The following KCNIP4 variants were observed in gnomAD, a reference collection of about 807,000 sequenced individuals.
KCNIP4 encodes the protein potassium voltage-gated channel interacting protein 4.
A neutral mutation model predicts 34.0 loss-of-function variants in KCNIP4; 12 were observed. The observed-to-expected ratio is 0.35, with a 90% CI of 0.23 to 0.57. The LOEUF (loss-of-function observed/expected upper bound fraction) is 0.57, where lower values mean the gene tolerates loss of function less well. Among genes scored for constraint, KCNIP4 ranks in the 20% least tolerant of loss-of-function variants. The pLI is 0.83. For missense variants in KCNIP4, 238 were observed against 311.7 expected (o/e 0.76, Z 1.78); for synonymous variants, 124 against 102.2 (o/e 1.21, Z -1.29).
intron 4 of KCNIP4, among the ~76,000 whole-genome samples, chr4:20,755,201 T>C (rs1754287324): frequency 1.3e-5 from 2 of 152,202 alleles, no homozygotes; most frequent in Admixed American, 1.3e-4. Context: ...ACAGTCTTCC[T>C]GTGTTTTCTT....
In KCNIP4 at chr4:21,553,149, G is replaced by A. The variant is rs561988731; in HGVS notation, c.61+395422C>T. Among the ~76,000 whole-genome samples, 11 of 151,392 alleles carry A rather than the reference G, an allele frequency of 7.3e-5. 1 individual carries two copies. Among genetic ancestry groups the A allele is most frequent in the African/African-American group, 2.7e-4 (11 of 41,260 alleles). ...AACATCTGAAAGCTTAAAGGGGGGG[G>A]TCATAAAAGAGTTGGAATAACAAGT... On this transcript the variant is annotated intron_variant, in intron 1 of 8. Transcript: ENST00000382152.
At chr4:21,186,745 A>G (rs531584943) in intron 1 of KCNIP4, among the ~76,000 whole-genome samples, 1 of 152,258 alleles carries the variant, frequency 6.6e-6, no homozygotes, top group South Asian at 2.1e-4. Context: ...GCCACGCTCA[A>G]GCAATCCTCT....
intron 5 of KCNIP4, among the ~76,000 whole-genome samples, chr4:20,748,561 TA>T (rs2149332996): frequency 8.8e-4 from 1 of 1,130 alleles, no homozygotes; most frequent in East Asian, 0.038. Flanking sequence ...TTCCAAATTT[TA>T]TATATATATA....
At chr4:21,171,464 T>C (rs1754018235) in intron 1 of KCNIP4, among the ~76,000 whole-genome samples, 1 of 152,188 alleles carries the variant, frequency 6.6e-6, no homozygotes, top group African/African-American at 2.4e-5. Context: ...CTGGACAGTT[T>C]CCAAGTTATT....
intron 1 of KCNIP4, among the ~76,000 whole-genome samples, chr4:21,233,077 G>A (rs1432706334): frequency 6.6e-6 from 1 of 152,170 alleles, no homozygotes; most frequent in Non-Finnish European, 1.5e-5. Flanking sequence ...CAGGAAGCAG[G>A]AAAACGGGTC....
At chr4:21,098,381 C>T (rs553625165) in intron 1 of KCNIP4, among the ~76,000 whole-genome samples, 23 of 152,294 alleles carry the variant, frequency 1.5e-4, no homozygotes, top group African/African-American at 5.3e-4. Context: ...GTGGAGAAGT[C>T]AATGTCTGGC....
chr4:21,782,860 T>C (rs1311152728), intron 1 of KCNIP4, among the ~76,000 whole-genome samples: 1 of 152,118 alleles, frequency 6.6e-6, no homozygotes, highest in Admixed American at 6.6e-5. Context: ...AATACTGCTA[T>C]AAACAGCAAC....
At chr4:21,708,007 A>T (rs935166841) in intron 1 of KCNIP4, among the ~76,000 whole-genome samples, 2 of 151,908 alleles carry the variant, frequency 1.3e-5, no homozygotes, top group South Asian at 2.1e-4. Context: ...AAATCAACTT[A>T]TGAGAAATTC....
chr4:21,509,746 C>T (rs1734146418), intron 1 of KCNIP4, among the ~76,000 whole-genome samples: 1 of 152,144 alleles, frequency 6.6e-6, no homozygotes, highest in Non-Finnish European at 1.5e-5. Context: ...ACTAGACTCA[C>T]CTGATCTTCT....
chr4:20,810,280 C>T (rs1560482218), intron 3 of KCNIP4, among the ~76,000 whole-genome samples: 1 of 152,128 alleles, frequency 6.6e-6, no homozygotes, highest in African/African-American at 2.4e-5. Context: ...ATTGTATCGT[C>T]CCCTCTGGCA....
At chr4:21,134,280 C>T (rs1751328794) in intron 1 of KCNIP4, among the ~76,000 whole-genome samples, 1 of 152,098 alleles carries the variant, frequency 6.6e-6, no homozygotes, top group Non-Finnish European at 1.5e-5. Context: ...TATGATGATC[C>T]ACTTCCATTT....
intron 1 of KCNIP4, among the ~76,000 whole-genome samples, chr4:21,022,025 A>G (rs1470785328): frequency 6.6e-6 from 1 of 152,164 alleles, no homozygotes; most frequent in Non-Finnish European, 1.5e-5. Flanking sequence ...TTTTACACCA[A>G]CATCACCAAA....
chr4:20,864,825 G>A (rs1722705569), intron 2 of KCNIP4, among the ~76,000 whole-genome samples: 2 of 152,000 alleles, frequency 1.3e-5, no homozygotes, highest in Admixed American at 1.3e-4. Context: ...GGCAGAACTG[G>A]GCCTAAATCT....
intron 3 of KCNIP4, among the ~76,000 whole-genome samples, chr4:20,824,775 A>G (rs1481761645): frequency 2.0e-5 from 3 of 152,262 alleles, no homozygotes; most frequent in African/African-American, 7.2e-5. Context: ...ATGTTTCAGA[A>G]TAGGTAACAT....
At chr4:20,744,857 C>G (rs1428005653) in intron 5 of KCNIP4, among the ~76,000 whole-genome samples, 1 of 152,130 alleles carries the variant, frequency 6.6e-6, no homozygotes, top group Non-Finnish European at 1.5e-5. Flanking sequence ...TAGTAGGTCC[C>G]AAATTTCCAT....
At chr4:21,433,716 C>T (rs979329280) in intron 1 of KCNIP4, among the ~76,000 whole-genome samples, 3 of 152,128 alleles carry the variant, frequency 2.0e-5, no homozygotes, top group Admixed American at 6.5e-5. Context: ...AGTCTATCTC[C>T]AATAACCGGG....
intron 1 of KCNIP4, among the ~76,000 whole-genome samples, chr4:21,338,264 C>CAA (rs869150288): frequency 0.016 from 779 of 48,334 alleles, 11 homozygotes; most frequent in Non-Finnish European, 0.02. Context: ...GACTCCTTCT[C>CAA]AAAAAAAAAA....
At chr4:21,305,344 C>A (rs2109256203) in intron 1 of KCNIP4, among the ~76,000 whole-genome samples, 1 of 152,314 alleles carries the variant, frequency 6.6e-6, no homozygotes, top group Middle Eastern at 3.4e-3. Flanking sequence ...CTTAACATCT[C>A]AGTGTCTTAA....
At chr4:20,785,027 C>G (rs932488380) in intron 3 of KCNIP4, among the ~76,000 whole-genome samples, 5 of 152,134 alleles carry the variant, frequency 3.3e-5, no homozygotes, top group Admixed American at 3.3e-4. Flanking sequence ...ACCCCAGAAA[C>G]TGGGGATATA....
Sources: gnomAD v4.1 joint callset for allele counts (sites outside exome capture counted in the v4.1 genomes callset) on GRCh38, gnomAD v4.1.1 for gene constraint, MANE v1.5 for transcripts, NCBI Gene and HGNC (gene_info 2026-07-23, HGNC 2026-07-21) for gene names.